MAGI2: variants seen among roughly 807,000 people sequenced by gnomAD.
MAGI2 encodes membrane-associated guanylate kinase, WW and PDZ domain-containing protein 2.
A neutral mutation model predicts 133.3 loss-of-function variants in MAGI2; 35 were observed. The observed-to-expected ratio is 0.26, with a 90% CI of 0.20 to 0.35. MAGI2 has a LOEUF of 0.35. MAGI2 is among the 10% of genes least tolerant of loss of function. The probability of loss-of-function intolerance (pLI) is 1.00; values close to 1 mark genes in which losing one functional copy is unlikely to be tolerated. For synonymous variants in MAGI2, 729 were observed against 710.6 expected (o/e 1.03, Z -0.41); for missense variants, 1,636 against 1,863.4 (o/e 0.88, Z 2.25).
chr7:78,244,913 G>A (rs776997278), intron 10 of MAGI2, among the ~76,000 whole-genome samples: 2 of 152,148 alleles, frequency 1.3e-5, no homozygotes, highest in African/African-American at 2.4e-5. Context: ...TATTTCCTTA[G>A]CATGGCAAAT....
In MAGI2 at chr7:78,160,283, A is replaced by G; in HGVS notation, c.2597-10T>C. ...TCTGGGCAGGGCTCCCCTGCAAAAT[A>G]TACCACACACAGGTAATCAATTACC... On this transcript the variant is annotated splice_polypyrimidine_tract_variant and intron_variant, in intron 15 of 21. Coordinates refer to ENST00000354212, the MANE Select transcript of MAGI2 (RefSeq NM_012301.4). 6.4e-7 allele frequency: 1 copy of G among 1,571,782 alleles called. No individual in the cohort carries two copies. Among genetic ancestry groups the G allele is most frequent in the South Asian group, 1.2e-5 (1 of 81,604 alleles).
At chr7:79,398,747 A>T (rs1359348885) in intron 1 of MAGI2, among the ~76,000 whole-genome samples, 4 of 152,158 alleles carry the variant, frequency 2.6e-5, no homozygotes, top group Non-Finnish European at 5.9e-5. Flanking sequence ...GTTCATTTAA[A>T]CTGTCAATCT....
chr7:78,231,957 C>T (rs949857641), intron 10 of MAGI2, among the ~76,000 whole-genome samples: 6 of 151,762 alleles, frequency 4.0e-5, no homozygotes, highest in Non-Finnish European at 4.4e-5. Context: ...TAATACAACC[C>T]CAAAATGACC....
At chr7:79,053,991 G>A (rs1812913764) in intron 1 of MAGI2, among the ~76,000 whole-genome samples, 1 of 152,138 alleles carries the variant, frequency 6.6e-6, no homozygotes. Flanking sequence ...GAGGTCGGGA[G>A]TTCGAGATCA....
chr7:79,363,433 C>T (rs1423364079), intron 1 of MAGI2, among the ~76,000 whole-genome samples: 3 of 149,734 alleles, frequency 2.0e-5, no homozygotes, highest in Non-Finnish European at 4.5e-5. Context: ...ATCAAAATTC[C>T]ACCAAGGCTT....
intron 1 of MAGI2, among the ~76,000 whole-genome samples, chr7:79,149,098 AATATAATATATTATATTAT>A (rs1393174390): frequency 2.8e-5 from 4 of 144,434 alleles, no homozygotes; most frequent in Non-Finnish European, 4.5e-5. Context: ...TTTTATATGT[AATATAATATATTATATTAT>A]ATATAATATA....
At position 78,604,892 on chromosome 7, in the gene MAGI2, G is replaced by A. The variant is rs200854063; in HGVS notation, c.538+22228C>T. ...TATCTATTCATGTAATTATGAGTGT[G>A]GATAATCTGTTGCTTCTGAATGTTG... On this transcript the variant is annotated intron_variant, in intron 3 of 21. Coordinates refer to ENST00000354212, the MANE Select transcript of MAGI2 (RefSeq NM_012301.4). 5.3e-5 allele frequency among the ~76,000 whole-genome samples: 8 copies of A among 152,206 alleles called. No homozygotes were observed. In the East Asian group the frequency reaches 1.5e-3, roughly 29 times the overall value.
At chr7:78,253,163 C>T (rs1792600288) in intron 10 of MAGI2, 3 of 151,970 alleles carry the variant, frequency 2.0e-5, no homozygotes, top group Admixed American at 2.0e-4. Context: ...AAACTGAAAA[C>T]AACTCAAATG....
chr7:78,394,879 T>G (rs1796203781), intron 6 of MAGI2, among the ~76,000 whole-genome samples: 1 of 152,202 alleles, frequency 6.6e-6, no homozygotes, highest in Non-Finnish European at 1.5e-5. Context: ...TTATAAAACC[T>G]ACAAGATTTC....
intron 2 of MAGI2, among the ~76,000 whole-genome samples, chr7:78,714,112 G>A (rs1384717437): frequency 1.3e-5 from 2 of 151,686 alleles, no homozygotes; most frequent in Non-Finnish European, 2.9e-5. Context: ...ATATACTTGT[G>A]TAAATATGAA....
chr7:79,436,521 C>G (rs1023918000), intron 1 of MAGI2, among the ~76,000 whole-genome samples: 9 of 152,084 alleles, frequency 5.9e-5, no homozygotes, highest in Admixed American at 2.0e-4. Context: ...AAACAAATAA[C>G]CCCATTAAAA....
At chr7:78,563,322 G>T (rs34477521) in intron 3 of MAGI2, among the ~76,000 whole-genome samples, 3 of 151,972 alleles carry the variant, frequency 2.0e-5, no homozygotes, top group African/African-American at 7.2e-5. Flanking sequence ...GGACTGCTTC[G>T]CAGAGACCAT....
At position 78,253,799 on chromosome 7, in the gene MAGI2, C is replaced by T. The variant is rs530757287; in HGVS notation, c.2047+2144G>A. On this transcript the variant is annotated intron_variant, in intron 10 of 21. Transcript: ENST00000354212. Reference sequence around the variant, plus strand: ...AAAAACTCTAGTAAATAATTAAAAACAGCCGACCACCCATGGTCCTGATAT... The same window carrying T: ...AAAAACTCTAGTAAATAATTAAAAATAGCCGACCACCCATGGTCCTGATAT... 2.0e-5 allele frequency: 3 copies of T among 152,202 alleles called. No individual in the cohort carries two copies. The South Asian group carries it at 6.2e-4, about 32-fold the overall frequency. 9.4% of individuals were successfully genotyped at this position (152,202 alleles called of 1,614,324 possible).
At chr7:79,328,851 A>G (rs1343346268) in intron 1 of MAGI2, among the ~76,000 whole-genome samples, 1 of 152,172 alleles carries the variant, frequency 6.6e-6, no homozygotes, top group Non-Finnish European at 1.5e-5. Context: ...CTATGTAGTT[A>G]TAATTATCTC....
chr7:78,577,831 G>A (rs769636006), intron 3 of MAGI2, among the ~76,000 whole-genome samples: 2 of 152,114 alleles, frequency 1.3e-5, no homozygotes, highest in Non-Finnish European at 2.9e-5. Flanking sequence ...GGATGTGTAC[G>A]TGCAGGTCAC....
At chr7:78,042,516 G>A (rs1810965507) in intron 21 of MAGI2, among the ~76,000 whole-genome samples, 1 of 152,144 alleles carries the variant, frequency 6.6e-6, no homozygotes, top group African/African-American at 2.4e-5. Flanking sequence ...TCTGGCCTGT[G>A]AAGTCAAACT....
chr7:78,103,018 T>C (rs1392799782), intron 20 of MAGI2, among the ~76,000 whole-genome samples: 1 of 152,152 alleles, frequency 6.6e-6, no homozygotes, highest in Non-Finnish European at 1.5e-5. Flanking sequence ...TCCTGTTCTA[T>C]GAGACTCCTT....
intron 15 of MAGI2, among the ~76,000 whole-genome samples, chr7:78,163,677 C>T (rs12155366): frequency 0.098 from 14,946 of 151,860 alleles, 804 homozygotes; most frequent in East Asian, 0.17. Flanking sequence ...GAGGCCGAGG[C>T]GGGCGGATCA....
At chr7:78,606,205 T>C (rs751752985) in intron 3 of MAGI2, among the ~76,000 whole-genome samples, 3 of 152,124 alleles carry the variant, frequency 2.0e-5, no homozygotes, top group Non-Finnish European at 4.4e-5. Context: ...AGTTGAATTT[T>C]AGTTTGTTTT....
Sources: allele counts gnomAD v4.1 joint callset (sites outside exome capture counted in the v4.1 genomes callset), GRCh38; gene constraint gnomAD v4.1.1; transcripts MANE v1.5; gene names NCBI Gene and HGNC (gene_info 2026-07-23, HGNC 2026-07-21).